The following NEGR1 variants were observed in gnomAD, a reference collection of about 807,000 sequenced individuals.
NEGR1 encodes the protein IgLON family member 4.
NEGR1 carries 10 observed loss-of-function variants against 40.9 expected under a neutral mutation model. That is an observed-to-expected ratio of 0.24 (90% CI 0.15 to 0.42). NEGR1 has a LOEUF of 0.42. NEGR1 is among the 10% of genes least tolerant of loss of function. The pLI, the probability that NEGR1 is intolerant of heterozygous loss-of-function variation, is 1.00. For missense variants in NEGR1, 352 were observed against 438.9 expected (o/e 0.80, Z 1.77); for synonymous variants, 185 against 166.8 (o/e 1.11, Z -0.84).
intron 2 of NEGR1, among the ~76,000 whole-genome samples, chr1:71,840,407 T>C (rs911560792): frequency 6.6e-6 from 1 of 152,140 alleles, no homozygotes; most frequent in Non-Finnish European, 1.5e-5. Flanking sequence ...ATCTAATAAG[T>C]AGATACACCC....
chr1:71,853,262 T>C (rs1455675612), intron 2 of NEGR1, among the ~76,000 whole-genome samples: 1 of 152,114 alleles, frequency 6.6e-6, no homozygotes, highest in Admixed American at 6.6e-5. Context: ...CAGATGCTAC[T>C]CATAATTTGC....
intron 4 of NEGR1, among the ~76,000 whole-genome samples, chr1:71,643,299 C>T (rs1357232447): frequency 1.3e-5 from 2 of 151,906 alleles, no homozygotes; most frequent in African/African-American, 4.8e-5. Flanking sequence ...GCAGGAGAGA[C>T]CTTATGTATC....
chr1:72,062,369 A>G (rs1647192833), intron 1 of NEGR1, among the ~76,000 whole-genome samples: 1 of 151,906 alleles, frequency 6.6e-6, no homozygotes, highest in African/African-American at 2.4e-5. Context: ...ATGTACTTTT[A>G]TAAGGGTGCC....
intron 3 of NEGR1, among the ~76,000 whole-genome samples, chr1:71,756,430 A>G (rs1655746053): frequency 2.0e-5 from 3 of 151,650 alleles, no homozygotes; most frequent in Admixed American, 6.6e-5. Flanking sequence ...AAAACCAAAA[A>G]AAACCACATC....
intron 6 of NEGR1, among the ~76,000 whole-genome samples, chr1:71,571,525 C>T (rs978457645): frequency 5.3e-5 from 8 of 152,186 alleles, no homozygotes; most frequent in African/African-American, 1.7e-4. Flanking sequence ...AGCACTGGCT[C>T]ATGCCTGTAA....
chr1:71,498,099 A>G (rs1286440627), intron 6 of NEGR1, among the ~76,000 whole-genome samples: 1 of 151,222 alleles, frequency 6.6e-6, no homozygotes, highest in South Asian at 2.1e-4. Flanking sequence ...TGTCTAATAA[A>G]ATATACAAAC....
At chr1:71,561,252 T>C (rs1648447904) in intron 6 of NEGR1, among the ~76,000 whole-genome samples, 1 of 151,730 alleles carries the variant, frequency 6.6e-6, no homozygotes, top group Non-Finnish European at 1.5e-5. Context: ...CAATGTCTTA[T>C]TAATTTTGAT....
At chr1:72,146,898 T>C (rs1415612612) in intron 1 of NEGR1, among the ~76,000 whole-genome samples, 4 of 152,162 alleles carry the variant, frequency 2.6e-5, no homozygotes, top group African/African-American at 4.8e-5. Context: ...GAATCTATAG[T>C]GAAATTTTGG....
chr1:71,576,905 A>T (rs772897008), intron 6 of NEGR1, among the ~76,000 whole-genome samples: 21 of 152,220 alleles, frequency 1.4e-4, no homozygotes, highest in Admixed American at 3.9e-4. Context: ...GAATGTTACA[A>T]ACTGGAACAA....
At chr1:71,847,796 A>G (rs999725605) in intron 2 of NEGR1, among the ~76,000 whole-genome samples, 2 of 152,212 alleles carry the variant, frequency 1.3e-5, no homozygotes, top group African/African-American at 4.8e-5. Flanking sequence ...GATTGATTAA[A>G]TCAGATTAAA....
chr1:72,224,657 G>C (rs1172292000), intron 1 of NEGR1, among the ~76,000 whole-genome samples: 2 of 151,828 alleles, frequency 1.3e-5, no homozygotes, highest in Non-Finnish European at 2.9e-5. Context: ...TGCAGAGTCT[G>C]GATTTTAAAA....
At chr1:71,705,856 A>G (rs1314100793) in intron 3 of NEGR1, among the ~76,000 whole-genome samples, 3 of 151,528 alleles carry the variant, frequency 2.0e-5, no homozygotes, top group African/African-American at 7.3e-5. Flanking sequence ...AGGAAGGAAG[A>G]GAGGAAGGAA....
intron 6 of NEGR1, among the ~76,000 whole-genome samples, chr1:71,427,483 T>C (rs1425532053): frequency 6.6e-6 from 1 of 152,250 alleles, no homozygotes; most frequent in African/African-American, 2.4e-5. Context: ...TTTCTTACTT[T>C]ATATATTACA....
At chr1:71,467,584 CTA>C (rs1471606465) in intron 6 of NEGR1, among the ~76,000 whole-genome samples, 10 of 151,946 alleles carry the variant, frequency 6.6e-5, no homozygotes, top group African/African-American at 1.2e-4. Flanking sequence ...TTATTTATGA[CTA>C]TTGATAATTA....
intron 2 of NEGR1, among the ~76,000 whole-genome samples, chr1:71,827,704 C>A (rs1658684446): frequency 6.6e-6 from 1 of 151,796 alleles, no homozygotes; most frequent in Admixed American, 6.6e-5. Flanking sequence ...ATGGGCAACA[C>A]AGAATTTTTG....
At chr1:71,964,128 T>C (rs1646190927) in intron 1 of NEGR1, among the ~76,000 whole-genome samples, 1 of 152,186 alleles carries the variant, frequency 6.6e-6, no homozygotes, top group African/African-American at 2.4e-5. Flanking sequence ...ATCCCAGTTC[T>C]CTTTGACCTC....
At chr1:71,668,719 A>C (rs1044918867) in intron 4 of NEGR1, among the ~76,000 whole-genome samples, 1 of 152,122 alleles carries the variant, frequency 6.6e-6, no homozygotes, top group Non-Finnish European at 1.5e-5. Flanking sequence ...GAAAAGAACA[A>C]AAAATGAGAA....
chr1:71,796,823 A>G (rs1447147300), intron 2 of NEGR1, among the ~76,000 whole-genome samples: 1 of 152,132 alleles, frequency 6.6e-6, no homozygotes, highest in Non-Finnish European at 1.5e-5. Context: ...AAATAAGGGG[A>G]CACAAATTCA....
At chr1:71,828,231 A>G (rs1239535991) in intron 2 of NEGR1, among the ~76,000 whole-genome samples, 1 of 151,936 alleles carries the variant, frequency 6.6e-6, no homozygotes. Flanking sequence ...CAGAGAAGGA[A>G]TGTTTTTCTT....
Sources: allele counts gnomAD v4.1 joint callset (sites outside exome capture counted in the v4.1 genomes callset), GRCh38; gene constraint gnomAD v4.1.1; transcripts MANE v1.5; gene names NCBI Gene and HGNC (gene_info 2026-07-23, HGNC 2026-07-21).